The following IRF8 variants were observed in gnomAD, a reference collection of about 807,000 sequenced individuals.
The protein encoded by IRF8 is interferon regulatory factor 8, also known as interferon consensus sequence binding protein 1.
In IRF8, 14 loss-of-function variants were observed where a neutral mutation model predicts 48.7. The ratio of observed to expected loss-of-function variants is 0.29; its 90% confidence interval spans 0.19 to 0.45. The LOEUF is 0.45. Among genes scored for constraint, IRF8 ranks in the 20% least tolerant of loss-of-function variants. The probability of loss-of-function intolerance (pLI) is 1.00; values close to 1 mark genes in which losing one functional copy is unlikely to be tolerated. For missense variants in IRF8, 493 were observed against 580.7 expected (o/e 0.85, Z 1.55); for synonymous variants, 278 against 227.3 (o/e 1.22, Z -2.01).
Position 85,921,378 on chromosome 16 carries a change from C to G in IRF8, c.*96C>G. 3 of 1,331,826 alleles carry G rather than the reference C, an allele frequency of 2.3e-6. No homozygotes were observed. Among genetic ancestry groups the G allele is most frequent in the South Asian group, 2.3e-5 (2 of 85,116 alleles). The allele number at this position is 1,331,826 out of a possible 1,614,324, so 82.5% of individuals were successfully genotyped here. A position where few individuals can be genotyped will look rare whatever the true frequency, so the allele number is the denominator to read the frequency against. ...GATTAAAGAATGTGGATCCCTCTGT[C>G]TGGGGTGGGATGCCTTACTTTGCAC... On this transcript the variant is annotated 3_prime_UTR_variant, in exon 9 of 9. Coordinates refer to ENST00000268638, the MANE Select transcript of IRF8 (RefSeq NM_002163.4).
chr16:85,911,736 C>T, intron 4 of IRF8, 78 bp downstream of exon 4: 3 of 1,271,742 alleles, frequency 2.4e-6, no homozygotes, highest in Non-Finnish European at 3.4e-6. Flanking sequence ...GGGCACCGTT[C>T]TTGCTGTATG....
Position 85,909,055 on chromosome 16 carries a change from G to A in IRF8, c.240G>A (p.Thr80=), listed in dbSNP as rs1308513542. The A allele has an allele frequency of 2.5e-6, 4 of 1,614,036 alleles. No homozygotes were observed. The highest frequency in any genetic ancestry group is 4.5e-5 in the East Asian group (2 of 44,902). The stretch of plus-strand genomic sequence containing the variant: ...AAGCTGAACCAGCCACTTGGAAGAC[G>A]AGGTTACGCTGTGCTTTGAATAAGA... ...GDKAEPATWK[T]RLRCALNKSP... The change falls in exon 3 of 9, where the codon ACG becomes ACA. Residue 80 remains threonine, a synonymous_variant. Coordinates refer to ENST00000268638, the MANE Select transcript of IRF8 (RefSeq NM_002163.4).
At chr16:85,908,132 T>A (rs1905055443) in intron 2 of IRF8, among the ~76,000 whole-genome samples, 1 of 152,264 alleles carries the variant, frequency 6.6e-6, no homozygotes, top group Admixed American at 6.5e-5. Context: ...GGGATGTCCC[T>A]ACAGATCTCC....
intron 6 of IRF8, 170 bp from the exon 7 acceptor site, chr16:85,918,247 A>G: frequency 1.5e-6 from 1 of 689,486 alleles, no homozygotes; most frequent in Non-Finnish European, 2.4e-6. Context: ...TTATTCATGC[A>G]TATAAAAACA....
At chr16:85,905,124 G>A (rs562996325) in intron 2 of IRF8, among the ~76,000 whole-genome samples, 1 of 152,262 alleles carries the variant, frequency 6.6e-6, no homozygotes, top group East Asian at 1.9e-4. Context: ...ATCTCCTGGT[G>A]GGGCAGAGTC....
At chr16:85,902,123 C>G (rs1210630230) in intron 1 of IRF8, among the ~76,000 whole-genome samples, 1 of 151,992 alleles carries the variant, frequency 6.6e-6, no homozygotes, top group Non-Finnish European at 1.5e-5. Flanking sequence ...GGTTAGGTCC[C>G]TAGAGTGGGA....
rs554619827 is a variant in IRF8 at position 85,920,615 on chromosome 16, G to A, written c.1104+391G>A. Among the ~76,000 whole-genome samples, 15 of 152,282 alleles carry A rather than the reference G, an allele frequency of 9.9e-5. No individual in the cohort carries two copies. The South Asian group carries it at 1.2e-3, about 13-fold the overall frequency. On this transcript the variant is annotated intron_variant, in intron 8 of 8. Transcript: ENST00000268638. The stretch of plus-strand genomic sequence containing the variant: ...GATCAAGTTTTGGGCTGGAGAAGAG[G>A]ACACAAGGACAAGTTTCCACCTGTG...
intron 2 of IRF8, among the ~76,000 whole-genome samples, chr16:85,907,395 C>A (rs552940946): frequency 6.6e-6 from 1 of 152,346 alleles, no homozygotes; most frequent in East Asian, 1.9e-4. Flanking sequence ...AGACAGCTAC[C>A]TGGGCCGGGC....
Position 85,920,237 on chromosome 16 carries a change from AGCT to A in IRF8, c.1104+14_1104+16del. 5.5e-6 allele frequency: 5 copies of A among 913,572 alleles called. No individual in the cohort carries two copies. The highest frequency in any genetic ancestry group is 1.5e-5 in the South Asian group (1 of 66,596). The allele number at this position is 913,572 out of a possible 1,614,324, so 56.6% of individuals were successfully genotyped here. ...CATTCTCGTGCAGGTAAGTATGGGC[AGCT>A]TTTTTTTTTTTTTTTTTTTTTTTTG... is the stretch of plus-strand genomic sequence containing the variant. On this transcript the variant is annotated intron_variant, in intron 8 of 8. Transcript: ENST00000268638.
chr16:85,904,810 A>ATTTTTTTTTTTTTTTTTTTTTTT (rs1418168585), intron 2 of IRF8, among the ~76,000 whole-genome samples: 2 of 64,616 alleles, frequency 3.1e-5, no homozygotes, highest in Admixed American at 1.5e-4. Context: ...TTGATTGCAG[A>ATTTTTTTTTTTTTTTTTTTTTTT]TCTTTTTTTT....
At chr16:85,902,208 A>T (rs183457556) in intron 1 of IRF8, among the ~76,000 whole-genome samples, 4 of 152,130 alleles carry the variant, frequency 2.6e-5, no homozygotes, top group African/African-American at 9.7e-5. Context: ...TCTTGTCCCT[A>T]TCTTTCAGTT....
intron 2 of IRF8, 172 bp downstream of exon 2, chr16:85,903,361 A>G: frequency 1.5e-6 from 1 of 645,998 alleles, no homozygotes; most frequent in Non-Finnish European, 2.7e-6. Flanking sequence ...ACATGAGCTG[A>G]TTTCACATCT....
intron 7 of IRF8, among the ~76,000 whole-genome samples, chr16:85,919,553 G>A (rs1447046177): frequency 1.3e-5 from 2 of 152,184 alleles, no homozygotes; most frequent in Non-Finnish European, 2.9e-5. Context: ...TGAGGCCGCG[G>A]TTATCACCCC....
At chr16:85,913,442 C>G in intron 5 of IRF8, 1 of 598,166 alleles carries the variant, frequency 1.7e-6, no homozygotes, top group Admixed American at 2.6e-5. Flanking sequence ...CTGCTCTCCG[C>G]TGCTTCTCAG....
chr16:85,921,391 C>A lies in IRF8; in HGVS notation c.*109C>A. The A allele has an allele frequency of 1.7e-6, 2 of 1,182,880 alleles. No homozygotes were observed. Among genetic ancestry groups the A allele is most frequent in the Non-Finnish European group, 1.2e-6 (1 of 801,412 alleles). The allele number at this position is 1,182,880 out of a possible 1,614,324, so 73.3% of individuals were successfully genotyped here. Reference sequence around the variant, plus strand: ...GGATCCCTCTGTCTGGGGTGGGATGCCTTACTTTGCACTTAATTTAATAAG... The same window carrying A: ...GGATCCCTCTGTCTGGGGTGGGATGACTTACTTTGCACTTAATTTAATAAG... On this transcript the variant is annotated 3_prime_UTR_variant, in exon 9 of 9. Coordinates refer to ENST00000268638, the MANE Select transcript of IRF8 (RefSeq NM_002163.4).
chr16:85,919,008 A>C (rs1905435909), intron 7 of IRF8, among the ~76,000 whole-genome samples: 2 of 152,138 alleles, frequency 1.3e-5, no homozygotes, highest in African/African-American at 4.8e-5. Flanking sequence ...CTGTGCCTCA[A>C]CTTCCCCATG....
At chr16:85,914,117 C>G (rs1277354530) in intron 5 of IRF8, 4 of 341,004 alleles carry the variant, frequency 1.2e-5, no homozygotes, top group African/African-American at 2.1e-5. Flanking sequence ...CCCCCAGGCT[C>G]TCCCCCAGAG....
chr16:85,916,280 G>A (rs1250327066), intron 6 of IRF8, among the ~76,000 whole-genome samples: 1 of 152,234 alleles, frequency 6.6e-6, no homozygotes, highest in Admixed American at 6.5e-5. Flanking sequence ...AGGTCATCCA[G>A]CTGGGCAGCA....
In IRF8 at chr16:85,918,470, G is replaced by T; in HGVS notation, c.655G>T (p.Ala219Ser). 3 of 1,590,584 alleles carry T rather than the reference G, an allele frequency of 1.9e-6. No homozygotes were observed. Among genetic ancestry groups the T allele is most frequent in the Non-Finnish European group, 2.6e-6 (3 of 1,175,108 alleles). The change falls in exon 7 of 9, where the codon GCC becomes TCC. Residue 219 changes from alanine to serine, a missense_variant. This residue lies in a region of IRF8 where 408 missense variants were observed against 449.6 expected (regional missense o/e 0.91). Transcript: ENST00000268638. The stretch of plus-strand genomic sequence containing the variant: ...CTATGGGGGCAAGCTGGTGGGCCAG[G>T]CCACCACCACCTGCCCCGAGGGCTG... ...FYYGGKLVGQ[A>S]TTTCPEGCRL...
Sources: gnomAD v4.1 joint callset for allele counts (sites outside exome capture counted in the v4.1 genomes callset) on GRCh38, gnomAD v4.1.1 for gene constraint, gnomAD v4.1.1 regional missense constraint, MANE v1.5 for transcripts, NCBI Gene and HGNC (gene_info 2026-07-23, HGNC 2026-07-21) for gene names.